DYSF: variants seen among roughly 807,000 people sequenced by gnomAD.
DYSF encodes the protein dystrophy-associated fer-1-like 1.
Under a neutral mutation model 274.9 loss-of-function variants are expected in DYSF, and 212 were observed. That is an observed-to-expected ratio of 0.77 (90% CI 0.69 to 0.86). DYSF has a LOEUF of 0.86. Among genes scored for constraint, DYSF ranks in the 40% least tolerant of loss-of-function variants. The pLI is 0.00. For missense variants in DYSF, 2,666 were observed against 2,783.2 expected, an observed-to-expected ratio of 0.96 and a Z score of 0.95; for synonymous variants, 1,091 against 1,078.7, an observed-to-expected ratio of 1.01 and a Z score of -0.22.
chr2:71,618,434 GGTGTGTGTGGTAGAGGTGGGGTTGT>G (rs2093986309), intron 40 of DYSF, among the ~76,000 whole-genome samples: 6 of 45,696 alleles, frequency 1.3e-4, no homozygotes, highest in Non-Finnish European at 2.1e-4. Flanking sequence ...GTAGAGGTGG[GGTGTGTGTGGTAGAGGTGGGGTTGT>G]GTGTGTGTGG....
At chr2:71,602,704 T>C (rs2093574527) in intron 35 of DYSF, 72 bp from the exon 36 acceptor site, 1 of 1,547,174 alleles carries the variant, frequency 6.5e-7, no homozygotes, top group Admixed American at 1.9e-5. Context: ...TTGATACTAA[T>C]AGAGAACTTT....
At chr2:71,542,995 G>A (rs956788839) in intron 17 of DYSF, among the ~76,000 whole-genome samples, 21 of 150,764 alleles carry the variant, frequency 1.4e-4, no homozygotes, top group Middle Eastern at 3.5e-3. Context: ...CTGGCCGGAC[G>A]GGGGCTGCCC....
At chr2:71,600,459 C>T (rs2093521868) in intron 33 of DYSF, among the ~76,000 whole-genome samples, 1 of 152,186 alleles carries the variant, frequency 6.6e-6, no homozygotes, top group South Asian at 2.1e-4. Context: ...GTTGAACTGT[C>T]CAGAGGGACT....
intron 14 of DYSF, among the ~76,000 whole-genome samples, chr2:71,532,838 A>ATCTATCTGTCTG (rs762833576): frequency 6.9e-5 from 9 of 130,880 alleles, no homozygotes; most frequent in Non-Finnish European, 1.1e-4. Context: ...TATTCTATCT[A>ATCTATCTGTCTG]TCTATCTATC....
At chr2:71,595,743 C>G (rs773561110) in intron 32 of DYSF, among the ~76,000 whole-genome samples, 33 of 152,324 alleles carry the variant, frequency 2.2e-4, no homozygotes, top group Non-Finnish European at 4.0e-4. Context: ...AGCCGTGGTC[C>G]TCAGAGCTGC....
intron 40 of DYSF, among the ~76,000 whole-genome samples, chr2:71,618,207 G>T (rs1441542951): frequency 1.6e-5 from 1 of 62,878 alleles, no homozygotes; most frequent in Non-Finnish European, 3.1e-5. Flanking sequence ...GTAGAGATGG[G>T]ATGTGTGTGT....
At chr2:71,457,869 G>T (rs375962206) in intron 1 of DYSF, among the ~76,000 whole-genome samples, 54 of 152,184 alleles carry the variant, frequency 3.5e-4, no homozygotes, top group African/African-American at 1.2e-3. Flanking sequence ...CGTATGGCAG[G>T]TGCTCCGGGA....
rs2093536127 is a variant in DYSF, at chr2:71,600,979, C to T, written c.3897+137C>T. 4 of 1,095,622 alleles carry T rather than the reference C, an allele frequency of 3.7e-6. No individual in the cohort carries two copies. The African/African-American group carries it at 6.2e-5, about 17-fold the overall frequency. 67.9% of individuals were successfully genotyped at this position (1,095,622 alleles called of 1,614,324 possible). The stretch of plus-strand genomic sequence containing the variant: ...CCATTTTCTGAACCCTAAGTCAGGA[C>T]ACCATCTAACATCGGAATAGAATTT... On this transcript the variant is annotated intron_variant, in intron 34 of 55. Transcript: ENST00000410020.
chr2:71,582,875 G>C (rs929135765), intron 30 of DYSF, among the ~76,000 whole-genome samples: 3 of 151,812 alleles, frequency 2.0e-5, no homozygotes, highest in African/African-American at 7.3e-5. Flanking sequence ...AACGGGAAAA[G>C]GTAGTACAAA....
At chr2:71,520,696 C>T (rs2087162167) in intron 11 of DYSF, 93 bp from the exon 12 acceptor site, 2 of 1,065,122 alleles carry the variant, frequency 1.9e-6, no homozygotes, top group South Asian at 2.5e-5. Context: ...GAGTCCTTTA[C>T]CTCCCCTGTG....
intron 45 of DYSF, among the ~76,000 whole-genome samples, chr2:71,663,042 C>CATATTT (rs2094928154): frequency 1.2e-4 from 4 of 32,942 alleles, no homozygotes; most frequent in Non-Finnish European, 2.8e-4. Context: ...TGTGTGTGTG[C>CATATTT]GCGCACGCGC....
chr2:71,495,859 G>A (rs2084331905), intron 3 of DYSF, among the ~76,000 whole-genome samples: 1 of 151,850 alleles, frequency 6.6e-6, no homozygotes, highest in Admixed American at 6.5e-5. Context: ...GAGGAGAGGT[G>A]GAAGAGAAGG....
At chr2:71,505,679 C>G (rs767357768) in intron 4 of DYSF, among the ~76,000 whole-genome samples, 1 of 152,226 alleles carries the variant, frequency 6.6e-6, no homozygotes, top group African/African-American at 2.4e-5. Flanking sequence ...AACACTCCCC[C>G]AGTCCTGGAG....
intron 30 of DYSF, among the ~76,000 whole-genome samples, chr2:71,582,733 G>C (rs527637153): frequency 3.7e-4 from 57 of 152,260 alleles, no homozygotes; most frequent in African/African-American, 1.3e-3. Flanking sequence ...AGCTGTTCCT[G>C]CCATGACCAA....
At position 71,686,578 on chromosome 2, in the gene DYSF, T is replaced by A. The variant is rs537829796; in HGVS notation, c.*86T>A. ...TCCTCCGCCCAGCTCGGCGAGCTCC[T>A]CCAGACCTCCTAGGCCTGATTGTCC... On this transcript the variant is annotated 3_prime_UTR_variant, in exon 56 of 56. Transcript: ENST00000410020. 35 of 1,504,548 alleles carry A rather than the reference T, an allele frequency of 2.3e-5. No individual in the cohort carries two copies. In the African/African-American group the frequency reaches 4.5e-4, roughly 19 times the overall value. The allele number at this position is 1,504,548 out of a possible 1,614,324, so 93.2% of individuals were successfully genotyped here.
rs1364587140 is a variant in DYSF at position 71,466,828 on chromosome 2, C to A, written c.-15C>A. 5 of 1,507,942 alleles carry A rather than the reference C, an allele frequency of 3.3e-6. No individual in the cohort carries two copies. The East Asian group carries it at 1.3e-4, about 38-fold the overall frequency. The allele number at this position is 1,507,942 out of a possible 1,614,324, so 93.4% of individuals were successfully genotyped here. On this transcript the variant is annotated 5_prime_UTR_variant, in exon 1 of 56. Coordinates refer to ENST00000410020, the MANE Select transcript of DYSF (RefSeq NM_001130987.2). ...CCCTGACTGCGCGCCTGTGTGCCGC[C>A]GGGGCTGCCCAGCCATGCTGTGCTG...
At chr2:71,667,313 G>C in intron 47 of DYSF, 63 bp from the exon 48 acceptor site, 3 of 1,611,656 alleles carry the variant, frequency 1.9e-6, no homozygotes, top group South Asian at 1.1e-5. Context: ...CTGTTCACTG[G>C]GCAGCCCCAT....
chr2:71,560,613 TA>T (rs1450750975), intron 22 of DYSF, among the ~76,000 whole-genome samples: 4 of 151,812 alleles, frequency 2.6e-5, no homozygotes, highest in Middle Eastern at 3.4e-3. Context: ...AAAATTCAAT[TA>T]AAAAAAATAA....
chr2:71,596,002 CT>C (rs34280550), intron 32 of DYSF, among the ~76,000 whole-genome samples: 34,751 of 135,576 alleles, frequency 0.26, 4,059 homozygotes, highest in South Asian at 0.34. Flanking sequence ...CCCCTTTTTC[CT>C]TTTTTTTTTT....
Sources: allele counts gnomAD v4.1 joint callset (sites outside exome capture counted in the v4.1 genomes callset), GRCh38; gene constraint gnomAD v4.1.1; transcripts MANE v1.5; gene names NCBI Gene and HGNC (gene_info 2026-07-23, HGNC 2026-07-21).